SAMD8: variants seen among roughly 807,000 people sequenced by gnomAD.
The protein encoded by SAMD8 is sphingomyelin synthase-related protein 1.
SAMD8 carries 20 observed loss-of-function variants against 42.0 expected under a neutral mutation model. That is an observed-to-expected ratio of 0.48 (90% CI 0.34 to 0.69). SAMD8 has a LOEUF of 0.69. Ranked by LOEUF, SAMD8 falls within the 30% of genes least tolerant of loss-of-function variation. The pLI is 0.01. For synonymous variants in SAMD8, 162 were observed against 173.0 expected, an observed-to-expected ratio of 0.94 and a Z score of 0.50; for missense variants, 328 against 511.6, an observed-to-expected ratio of 0.64 and a Z score of 3.46.
Position 75,121,927 on chromosome 10 carries a change from A to T in SAMD8, c.-16+10205A>T, listed in dbSNP as rs146310202. On this transcript the variant is annotated intron_variant, in intron 1 of 5. Transcript: ENST00000542569. ...GGCTGGTCTTGAACTCCTGACCTCA[A>T]GTGATCCACCCTCTTTGGCCTCCCA... 8.7e-3 allele frequency among the ~76,000 whole-genome samples: 1,332 copies of T among 152,256 alleles called. 19 individuals are homozygous for T. The highest frequency in any genetic ancestry group is 0.031 in the African/African-American group (1,269 of 41,550).
rs188548920 is a variant in SAMD8 at position 75,174,514 on chromosome 10, A to G, written c.793-1552A>G. 1.8e-3 allele frequency among the ~76,000 whole-genome samples: 259 copies of G among 146,996 alleles called. 1 individual carries two copies. The highest frequency in any genetic ancestry group is 6.3e-3 in the African/African-American group (250 of 39,502). On this transcript the variant is annotated intron_variant, in intron 4 of 5. Coordinates refer to ENST00000542569, the MANE Select transcript of SAMD8 (RefSeq NM_001174156.2). The stretch of plus-strand genomic sequence containing the variant: ...CAATGGCACGATTTCTACTCACCAC[A>G]ACCTACCCCTCCCGGGATCAAGAGA...
chr10:75,134,406 C>T (rs190592211), intron 1 of SAMD8, among the ~76,000 whole-genome samples: 18 of 151,674 alleles, frequency 1.2e-4, no homozygotes, highest in South Asian at 8.4e-4. Context: ...AGGCCGAGGC[C>T]GGCGGATCAC....
rs575819645 is a variant in SAMD8 at position 75,115,650 on chromosome 10, T to C, written c.-16+3928T>C. ...ATTGGGTCCTCACAATACTATAGAA[T>C]GTAACATACTGCGGGCACGGTGGCT... On this transcript the variant is annotated intron_variant, in intron 1 of 5. Coordinates refer to ENST00000542569, the MANE Select transcript of SAMD8 (RefSeq NM_001174156.2). Among the ~76,000 whole-genome samples, 24 of 152,268 alleles carry C rather than the reference T, an allele frequency of 1.6e-4. 1 individual carries two copies. The highest frequency in any genetic ancestry group is 7.2e-5 in the African/African-American group (3 of 41,542).
chr10:75,115,481 G>A (rs1333812899), intron 1 of SAMD8, among the ~76,000 whole-genome samples: 1 of 152,204 alleles, frequency 6.6e-6, no homozygotes, highest in Non-Finnish European at 1.5e-5. Flanking sequence ...ATATGAATGT[G>A]TGGGTATGGA....
chr10:75,157,550 T>C (rs1840440815), intron 2 of SAMD8, among the ~76,000 whole-genome samples: 1 of 152,138 alleles, frequency 6.6e-6, no homozygotes. Flanking sequence ...TTGTTTTTAT[T>C]TTCTCTGTTT....
At chr10:75,114,935 T>C (rs1211920281) in intron 1 of SAMD8, among the ~76,000 whole-genome samples, 3 of 152,214 alleles carry the variant, frequency 2.0e-5, no homozygotes, top group East Asian at 3.8e-4. Flanking sequence ...TCTGCTAAAT[T>C]ACCTATGAAG....
Position 75,139,507 on chromosome 10 carries a change from T to A in SAMD8, c.-15-11007T>A, listed in dbSNP as rs140453290. ...TACAATGGAATGTTTTAAAACTATCTTTTCAAAAGATATTTAATAGCATTA... is the reference window on the plus strand; with the variant it reads ...TACAATGGAATGTTTTAAAACTATCATTTCAAAAGATATTTAATAGCATTA... On this transcript the variant is annotated intron_variant, in intron 1 of 5. Transcript: ENST00000542569. 3.3e-3 allele frequency among the ~76,000 whole-genome samples: 508 copies of A among 152,326 alleles called. 1 individual carries two copies. The highest frequency in any genetic ancestry group is 0.012 in the African/African-American group (485 of 41,578).
At chr10:75,100,338 G>A (rs1554853804) in intron 1 of SAMD8, among the ~76,000 whole-genome samples, 1 of 152,124 alleles carries the variant, frequency 6.6e-6, no homozygotes, top group Non-Finnish European at 1.5e-5. Context: ...CCTTGCTCCC[G>A]ATGCTCAGGG....
chr10:75,101,404 T>C (rs955622233), intron 1 of SAMD8, among the ~76,000 whole-genome samples: 2 of 152,312 alleles, frequency 1.3e-5, no homozygotes, highest in African/African-American at 4.8e-5. Context: ...ATATCCTATG[T>C]GGAGGGTAAC....
At chr10:75,126,917 G>C (rs966523675) in intron 1 of SAMD8, among the ~76,000 whole-genome samples, 2 of 152,066 alleles carry the variant, frequency 1.3e-5, no homozygotes, top group Non-Finnish European at 2.9e-5. Context: ...GCTGCGCACG[G>C]TGGCTCACAC....
chr10:75,181,507 C>T lies in SAMD8; in HGVS notation c.*4815C>T, dbSNP rs963179806. On this transcript the variant is annotated 3_prime_UTR_variant, in exon 6 of 6. Transcript: ENST00000542569. The stretch of plus-strand genomic sequence containing the variant: ...TTTGCTTCAAGTTCTATACAAATAT[C>T]TCTGAAATCTGTAAGCCATATTTCA... 1 of 152,186 alleles carries T rather than the reference C, an allele frequency of 6.6e-6. No homozygotes were observed. Among genetic ancestry groups the T allele is most frequent in the Non-Finnish European group, 1.5e-5 (1 of 68,030 alleles). The allele number at this position is 152,186 out of a possible 1,614,324, so 9.4% of individuals were successfully genotyped here. A position where few individuals can be genotyped will look rare whatever the true frequency, so the allele number is the denominator to read the frequency against.
At chr10:75,147,366 G>A (rs1840163519) in intron 1 of SAMD8, among the ~76,000 whole-genome samples, 1 of 151,930 alleles carries the variant, frequency 6.6e-6, no homozygotes, top group Admixed American at 6.6e-5. Context: ...TTACTGTGTT[G>A]CCCAGGCTGG....
intron 3 of SAMD8, 58 bp from the exon 4 acceptor site, chr10:75,168,483 G>C: frequency 6.3e-7 from 1 of 1,592,740 alleles, no homozygotes; most frequent in South Asian, 1.1e-5. Flanking sequence ...TTTGATGCCT[G>C]GGGTTTTTTG....
chr10:75,113,516 T>G (rs1848817537), intron 1 of SAMD8, among the ~76,000 whole-genome samples: 1 of 152,188 alleles, frequency 6.6e-6, no homozygotes, highest in South Asian at 2.1e-4. Context: ...GGCTAATTTT[T>G]GTTAGCATCA....
Position 75,130,475 on chromosome 10 carries a change from C to T in SAMD8, c.-16+18753C>T, listed in dbSNP as rs1196213749. The stretch of plus-strand genomic sequence containing the variant: ...GAGCCGAGATCGTACCATTGCACTC[C>T]AGCCTGGGCAACAAGAGCGAAACTC... On this transcript the variant is annotated intron_variant, in intron 1 of 5. Transcript: ENST00000542569. 2.0e-5 allele frequency among the ~76,000 whole-genome samples: 3 copies of T among 152,160 alleles called. No individual in the cohort carries two copies. The East Asian group carries it at 5.8e-4, about 29-fold the overall frequency.
chr10:75,126,927 C>G (rs1268225912), intron 1 of SAMD8, among the ~76,000 whole-genome samples: 1 of 152,084 alleles, frequency 6.6e-6, no homozygotes, highest in Non-Finnish European at 1.5e-5. Flanking sequence ...GTGGCTCACA[C>G]CTGTAATCCC....
chr10:75,156,011 G>A (rs1840402760), intron 2 of SAMD8, among the ~76,000 whole-genome samples: 1 of 152,106 alleles, frequency 6.6e-6, no homozygotes, highest in African/African-American at 2.4e-5. Context: ...AGGAATTCTA[G>A]CCCAGCCTGG....
intron 1 of SAMD8, among the ~76,000 whole-genome samples, chr10:75,126,583 C>T (rs1849143581): frequency 6.7e-6 from 1 of 149,016 alleles, no homozygotes; most frequent in Non-Finnish European, 1.5e-5. Flanking sequence ...CTCACTGAAG[C>T]CATAACCTCC....
chr10:75,108,856 A>C (rs1043219416), upstream of SAMD8, among the ~76,000 whole-genome samples: 1 of 152,144 alleles, frequency 6.6e-6, no homozygotes, highest in African/African-American at 2.4e-5. Context: ...CACTGACCTC[A>C]GCACCCCCGG....
Sources: allele counts gnomAD v4.1 joint callset (sites outside exome capture counted in the v4.1 genomes callset), GRCh38; gene constraint gnomAD v4.1.1; transcripts MANE v1.5; gene names NCBI Gene and HGNC (gene_info 2026-07-23, HGNC 2026-07-21).